The following BAD variants were observed in gnomAD, a reference collection of about 807,000 sequenced individuals.
The protein encoded by BAD is BCL2 associated agonist of cell death.
Under a neutral mutation model 17.8 loss-of-function variants are expected in BAD, and 18 were observed. The observed-to-expected ratio is 1.01, with a 90% CI of 0.70 to 1.50. The LOEUF (loss-of-function observed/expected upper bound fraction) is 1.50. Ranked by LOEUF, BAD falls within the 40% of genes most tolerant of loss-of-function variation. The pLI, the probability that BAD is intolerant of heterozygous loss-of-function variation, is 0.00. For missense variants in BAD, 294 were observed against 239.3 expected, an observed-to-expected ratio of 1.23 and a Z score of -1.51; for synonymous variants, 112 against 91.5, an observed-to-expected ratio of 1.22 and a Z score of -1.28.
chr11:64,274,218 C>G (rs549533700), intron 2 of BAD, among the ~76,000 whole-genome samples: 1 of 151,146 alleles, frequency 6.6e-6, no homozygotes, highest in African/African-American at 2.4e-5. Context: ...GAAACCCCAT[C>G]TGTACTAAAA....
intron 2 of BAD, chr11:64,276,416 C>T (rs1156718543): frequency 6.5e-6 from 1 of 153,054 alleles, no homozygotes; most frequent in Non-Finnish European, 1.5e-5. Context: ...AACCTCTGCT[C>T]ACCAGGTTCA....
At chr11:64,272,746 G>A (rs1337157806) in intron 2 of BAD, 4 of 152,296 alleles carry the variant, frequency 2.6e-5, no homozygotes, top group Non-Finnish European at 5.9e-5. Flanking sequence ...GTGGAGGCCT[G>A]AGGCTGGAAG....
At chr11:64,277,003 A>G (rs760915308) in intron 2 of BAD, 10 of 720,418 alleles carry the variant, frequency 1.4e-5, no homozygotes, top group Non-Finnish European at 2.6e-5. Context: ...TGGGATTTTC[A>G]GAGTCCTCAG....
chr11:64,270,386 C>G (rs1007189333), intron 3 of BAD, 49 bp from the exon 4 acceptor site: 2 of 1,504,722 alleles, frequency 1.3e-6, no homozygotes, highest in Admixed American at 2.2e-5. Context: ...CATGGCAGCT[C>G]GAGCCAGGCT....
At chr11:64,278,107 G>A (rs1242949432) in intron 2 of BAD, among the ~76,000 whole-genome samples, 1 of 152,122 alleles carries the variant, frequency 6.6e-6, no homozygotes, top group African/African-American at 2.4e-5. Context: ...GAGCAACACA[G>A]AAAGACCCTT....
chr11:64,275,864 C>T (rs1033248355), intron 2 of BAD: 1 of 151,980 alleles, frequency 6.6e-6, no homozygotes, highest in Non-Finnish European at 1.5e-5. Context: ...CGGAAGCCCT[C>T]CCTGTGTATT....
intron 2 of BAD, chr11:64,276,921 C>G (rs990146704): frequency 3.9e-6 from 3 of 761,984 alleles, no homozygotes; most frequent in Non-Finnish European, 4.9e-6. Context: ...TTTACATTCT[C>G]TGCGTGTTGG....
In BAD at chr11:64,271,782, C is replaced by T. The variant is rs1458157195; in HGVS notation, c.209G>A (p.Arg70Gln). 3 of 1,356,134 alleles carry T rather than the reference C, an allele frequency of 2.2e-6. No individual in the cohort carries two copies. The highest frequency in any genetic ancestry group is 4.0e-5 in the South Asian group (2 of 50,144). The allele number at this position is 1,356,134 out of a possible 1,614,324, so 84.0% of individuals were successfully genotyped here. The change falls in exon 3 of 4, where the codon CGG (arginine) becomes CAG (glutamine). Residue 70 changes from arginine to glutamine, a missense_variant. Physicochemically the swap from Arg to Gln is conservative, Grantham distance 43. Transcript: ENST00000309032. Reference protein sequence around the residue: ...HHGGAGAVEIRSRHSSYPAGT... With the variant: ...HHGGAGAVEIQSRHSSYPAGT... ...CGCGGGGTAGGAGCTGTGGCGACTCCGGATCTCCACAGCCCCAGCGCCTGC... is the reference window on the plus strand; with the variant it reads ...CGCGGGGTAGGAGCTGTGGCGACTCTGGATCTCCACAGCCCCAGCGCCTGC...
chr11:64,271,296 TCA>T lies in BAD; in HGVS notation c.378+315_378+316del, dbSNP rs1176064923. ...CAGATCCCAGCATGCCCTGTGACTC[TCA>T]CACACACACACACACACACACACAC... is the stretch of plus-strand genomic sequence containing the variant. On this transcript the variant is annotated intron_variant, in intron 3 of 3. Coordinates refer to ENST00000309032, the MANE Select transcript of BAD (RefSeq NM_032989.3). 2.2e-3 allele frequency among the ~76,000 whole-genome samples: 5 copies of T among 2,268 alleles called. 1 individual carries two copies. The highest frequency in any genetic ancestry group is 8.1e-3 in the African/African-American group (5 of 618). 1.5% of individuals were successfully genotyped at this position (2,268 alleles called of 152,430 possible). A position where few individuals can be genotyped will look rare whatever the true frequency, so the allele number is the denominator to read the frequency against.
At position 64,279,374 on chromosome 11, in the gene BAD, C is replaced by T. The variant is rs193016976; in HGVS notation, c.187+4808G>A. 7.9e-5 allele frequency among the ~76,000 whole-genome samples: 12 copies of T among 152,288 alleles called. 1 individual carries two copies. Among genetic ancestry groups the T allele is most frequent in the Admixed American group, 7.2e-4 (11 of 15,292 alleles). ...CCTTTGCACACACCTGAAGCCCCTA[C>T]CCCTAACTGGACTGAGACAAGCACA... On this transcript the variant is annotated intron_variant, in intron 2 of 3. Coordinates refer to ENST00000309032, the MANE Select transcript of BAD (RefSeq NM_032989.3).
intron 2 of BAD, among the ~76,000 whole-genome samples, chr11:64,280,483 C>G (rs1409433230): frequency 6.8e-6 from 1 of 146,438 alleles, no homozygotes; most frequent in East Asian, 2.1e-4. Context: ...TCCCGAGTAG[C>G]TGGGACTATA....
Position 64,277,175 on chromosome 11 carries a change from G to A in BAD, c.188-5372C>T. 5 of 593,008 alleles carry A rather than the reference G, an allele frequency of 8.4e-6. No individual in the cohort carries two copies. In the South Asian group the frequency reaches 9.8e-5, roughly 12 times the overall value. The allele number at this position is 593,008 out of a possible 1,614,324, so 36.7% of individuals were successfully genotyped here. A position where few individuals can be genotyped will look rare whatever the true frequency, so the allele number is the denominator to read the frequency against. ...AAGCTCTGCCATCAGGCAAGGGCTG[G>A]GTTTGGATCCTGCCCCTACCACATG... On this transcript the variant is annotated intron_variant, in intron 2 of 3. Coordinates refer to ENST00000309032, the MANE Select transcript of BAD (RefSeq NM_032989.3).
chr11:64,274,174 C>T (rs1040906934), intron 2 of BAD, among the ~76,000 whole-genome samples: 5 of 152,084 alleles, frequency 3.3e-5, no homozygotes, highest in Admixed American at 6.5e-5. Context: ...AGGCGCATCA[C>T]GAGGTCAGGA....
chr11:64,270,403 T>C, intron 3 of BAD, 66 bp from the exon 4 acceptor site: 1 of 1,477,666 alleles, frequency 6.8e-7, no homozygotes. Context: ...GGCTCTCCAC[T>C]TCCGTGAGCC....
intron 2 of BAD, among the ~76,000 whole-genome samples, chr11:64,273,733 T>G (rs1381739678): frequency 6.6e-6 from 1 of 151,406 alleles, no homozygotes; most frequent in African/African-American, 2.4e-5. Context: ...TACAAAAAAA[T>G]TAGCCAGGCG....
At chr11:64,277,807 G>C (rs2033170786) in intron 2 of BAD, among the ~76,000 whole-genome samples, 1 of 152,086 alleles carries the variant, frequency 6.6e-6, no homozygotes, top group African/African-American at 2.4e-5. Context: ...GGGTTCAGTG[G>C]GCCACGTGGT....
In BAD at chr11:64,269,911, G is replaced by A. The variant is rs753165178; in HGVS notation, c.*298C>T. ...TCGCGGGGGCTCGGGTCCCGGTGACGCAACGGTTAAACCTGGCTCGCGACT... is the reference window on the plus strand; with the variant it reads ...TCGCGGGGGCTCGGGTCCCGGTGACACAACGGTTAAACCTGGCTCGCGACT... On this transcript the variant is annotated 3_prime_UTR_variant, in exon 4 of 4. Coordinates refer to ENST00000309032, the MANE Select transcript of BAD (RefSeq NM_032989.3). 21 of 702,816 alleles carry A rather than the reference G, an allele frequency of 3.0e-5. 1 individual carries two copies. In the South Asian group the frequency reaches 3.1e-4, roughly 11 times the overall value. 43.5% of individuals were successfully genotyped at this position (702,816 alleles called of 1,614,324 possible).
chr11:64,272,666 A>C (rs1235224854), intron 2 of BAD: 1 of 152,240 alleles, frequency 6.6e-6, no homozygotes, highest in Non-Finnish European at 1.5e-5. Context: ...CTGGGAGGTG[A>C]GTACCAAACA....
In BAD at chr11:64,269,882, G is replaced by A. The variant is rs1481594683; in HGVS notation, c.*327C>T. Reference sequence around the variant, plus strand: ...ATTTGGTAGTGAGCACGGCCCCCAGGGCATCGCGGGGGCTCGGGTCCCGGT... The same window carrying A: ...ATTTGGTAGTGAGCACGGCCCCCAGAGCATCGCGGGGGCTCGGGTCCCGGT... On this transcript the variant is annotated 3_prime_UTR_variant, in exon 4 of 4. Transcript: ENST00000309032. 1.4e-6 allele frequency: 1 copy of A among 699,428 alleles called. No individual in the cohort carries two copies. Among genetic ancestry groups the A allele is most frequent in the South Asian group, 1.5e-5 (1 of 66,666 alleles). 43.3% of individuals were successfully genotyped at this position (699,428 alleles called of 1,614,324 possible).
Sources: allele counts gnomAD v4.1 joint callset (sites outside exome capture counted in the v4.1 genomes callset), GRCh38; gene constraint gnomAD v4.1.1; transcripts MANE v1.5; gene names NCBI Gene and HGNC (gene_info 2026-07-23, HGNC 2026-07-21).